The following ARVCF variants were observed in gnomAD, a reference collection of about 807,000 sequenced individuals.
ARVCF encodes ARVCF delta catenin family member.
A neutral mutation model predicts 90.9 loss-of-function variants in ARVCF; 66 were observed. That is an observed-to-expected ratio of 0.73 (90% CI 0.60 to 0.89). ARVCF has a LOEUF of 0.89. Ranked by LOEUF, ARVCF falls within the 40% of genes least tolerant of loss-of-function variation. ARVCF has a pLI of 0.00. For synonymous variants in ARVCF, 653 were observed against 603.4 expected (o/e 1.08, Z -1.21); for missense variants, 1,469 against 1,382.3 (o/e 1.06, Z -1.00).
rs1944699023 is a variant in ARVCF, at chr22:20,008,131, G to A, written c.-19+2324C>T. Among the ~76,000 whole-genome samples, 3 of 152,304 alleles carry A rather than the reference G, an allele frequency of 2.0e-5. 1 individual carries two copies. The South Asian group carries it at 6.2e-4, about 32-fold the overall frequency. ...TGCAGTAGGCAGAAAGAGGAGTGAA[G>A]AATTAATATCTTTAATATACAAAGA... On this transcript the variant is annotated intron_variant, in intron 2 of 19. Transcript: ENST00000263207.
intron 9 of ARVCF, 141 bp downstream of exon 9, chr22:19,977,274 T>C (rs937032598): frequency 5.0e-6 from 6 of 1,189,692 alleles, no homozygotes; most frequent in Non-Finnish European, 6.8e-6. Context: ...CCTCCTTGAC[T>C]CCTGGCTTCC....
intron 2 of ARVCF, among the ~76,000 whole-genome samples, chr22:19,992,895 G>A (rs1944082224): frequency 6.6e-6 from 1 of 152,172 alleles, no homozygotes; most frequent in Non-Finnish European, 1.5e-5. Flanking sequence ...CACCCTAAAG[G>A]GGGCCCACTG....
chr22:20,008,119 A>C lies in ARVCF; in HGVS notation c.-19+2336T>G, dbSNP rs533610100. Among the ~76,000 whole-genome samples the C allele has an allele frequency of 4.6e-5, 7 of 152,376 alleles. No homozygotes were observed. The East Asian group carries it at 1.3e-3, about 29-fold the overall frequency. ...GTGAGAAAAATGTGCAGTAGGCAGA[A>C]AGAGGAGTGAAGAATTAATATCTTT... is the stretch of plus-strand genomic sequence containing the variant. On this transcript the variant is annotated intron_variant, in intron 2 of 19. Coordinates refer to ENST00000263207, the MANE Select transcript of ARVCF (RefSeq NM_001670.3).
intron 2 of ARVCF, among the ~76,000 whole-genome samples, chr22:20,000,927 C>A (rs1270297515): frequency 6.6e-6 from 1 of 152,172 alleles, no homozygotes; most frequent in Non-Finnish European, 1.5e-5. Context: ...AGGACTCCAT[C>A]TAAGGTATTT....
At chr22:20,008,744 G>A (rs1305158010) in intron 2 of ARVCF, among the ~76,000 whole-genome samples, 1 of 152,218 alleles carries the variant, frequency 6.6e-6, no homozygotes. Flanking sequence ...CCAGAGCAGA[G>A]ATGGCACAAA....
At chr22:19,976,420 CAT>C (rs535639827) in intron 10 of ARVCF, among the ~76,000 whole-genome samples, 47 of 152,308 alleles carry the variant, frequency 3.1e-4, no homozygotes, top group Middle Eastern at 3.4e-3. Context: ...CTCCGAGCCA[CAT>C]GATGCCCCAT....
In ARVCF at chr22:19,981,315, G is replaced by A. The variant is rs1435000133; in HGVS notation, c.792C>T (p.Asp264=). The change falls in exon 5 of 20, where the codon GAC becomes GAT. Residue 264 remains aspartate (D), a synonymous_variant. Transcript: ENST00000263207. Reference sequence around the variant, plus strand: ...CGTCATCAGCGGCCAGGCTGCGCGTGTCATCCTCCAAGCCATACGGCTCTG... The same window carrying A: ...CGTCATCAGCGGCCAGGCTGCGCGTATCATCCTCCAAGCCATACGGCTCTG... ...FQAEPYGLED[D]TRSLAADDEG... 2 of 1,600,394 alleles carry A rather than the reference G, an allele frequency of 1.2e-6. No individual in the cohort carries two copies. Among genetic ancestry groups the A allele is most frequent in the Admixed American group, 1.7e-5 (1 of 58,414 alleles).
Position 19,971,345 on chromosome 22 carries a change from A to T in ARVCF, c.2782-10T>A. On this transcript the variant is annotated splice_polypyrimidine_tract_variant and intron_variant, in intron 18 of 19. Coordinates refer to ENST00000263207, the MANE Select transcript of ARVCF (RefSeq NM_001670.3). Reference sequence around the variant, plus strand: ...TCCTGCTGGGGTCGAGCTGCAGCGCACGGGTGGGCATTAGAGGCACAATAG... The same window carrying T: ...TCCTGCTGGGGTCGAGCTGCAGCGCTCGGGTGGGCATTAGAGGCACAATAG... 1 of 1,549,498 alleles carries T rather than the reference A, an allele frequency of 6.5e-7. No homozygotes were observed. Among genetic ancestry groups the T allele is most frequent in the East Asian group, 2.4e-5 (1 of 41,238 alleles).
At chr22:19,987,761 C>T (rs1451535971) in intron 3 of ARVCF, among the ~76,000 whole-genome samples, 1 of 152,052 alleles carries the variant, frequency 6.6e-6, no homozygotes, top group Non-Finnish European at 1.5e-5. Context: ...GAACTGTCCC[C>T]ACAGAGTTCG....
At chr22:19,994,093 G>C (rs531775502) in intron 2 of ARVCF, among the ~76,000 whole-genome samples, 1 of 152,314 alleles carries the variant, frequency 6.6e-6, no homozygotes, top group East Asian at 1.9e-4. Flanking sequence ...TGGACAGACA[G>C]ATGGATACAG....
At chr22:19,968,754 C>T (rs199743418), downstream of ARVCF, 66 of 1,601,010 alleles carry the variant, frequency 4.1e-5, no homozygotes, top group Admixed American at 9.4e-4. Flanking sequence ...CCCGGCCCCC[C>T]TCTCGGGCTC....
At chr22:19,971,509 G>T (rs957751160) in intron 18 of ARVCF, among the ~76,000 whole-genome samples, 174 bp from the exon 19 acceptor site, 4 of 152,198 alleles carry the variant, frequency 2.6e-5, no homozygotes, top group African/African-American at 7.2e-5. Context: ...ACGGGCCCAG[G>T]GCGGGCACGT....
downstream of ARVCF, chr22:19,966,936 G>A (rs1421323767): frequency 2.0e-6 from 2 of 985,174 alleles, no homozygotes; most frequent in East Asian, 2.3e-4. Context: ...GCTTCTCCAC[G>A]GCATTAGATT....
Position 19,983,901 on chromosome 22 carries a change from A to C in ARVCF, c.211-1810T>G, listed in dbSNP as rs571067419. 2.9e-3 allele frequency: 443 copies of C among 152,470 alleles called. 3 individuals carry two copies. The highest frequency in any genetic ancestry group is 3.4e-3 in the Non-Finnish European group (232 of 68,132). 9.4% of individuals were successfully genotyped at this position (152,470 alleles called of 1,614,324 possible). A position where few individuals can be genotyped will look rare whatever the true frequency, so the allele number is the denominator to read the frequency against. On this transcript the variant is annotated intron_variant, in intron 3 of 19. Transcript: ENST00000263207. Reference sequence around the variant, plus strand: ...CAGGGCAGGCTGGGCTCTTCTCCAAAGGCACTGGGGAGCTGGGACTGCTCT... The same window carrying C: ...CAGGGCAGGCTGGGCTCTTCTCCAACGGCACTGGGGAGCTGGGACTGCTCT...
intron 1 of ARVCF, among the ~76,000 whole-genome samples, 178 bp from the exon 2 acceptor site, chr22:20,010,686 C>A (rs918380368): frequency 6.6e-6 from 1 of 152,230 alleles, no homozygotes; most frequent in African/African-American, 2.4e-5. Flanking sequence ...CTTGCCCCCA[C>A]ATGTCCAGGA....
chr22:19,965,726 G>A (rs1438835252), downstream of ARVCF: 3 of 152,100 alleles, frequency 2.0e-5, no homozygotes, highest in Non-Finnish European at 4.4e-5. Context: ...AGAGGGCTGT[G>A]GGGAGGGCAT....
chr22:19,995,632 C>T (rs1212954706), intron 2 of ARVCF, among the ~76,000 whole-genome samples: 1 of 152,130 alleles, frequency 6.6e-6, no homozygotes, highest in African/African-American at 2.4e-5. Context: ...GAGCCTTGTC[C>T]GGAAAATGAA....
At position 19,973,781 on chromosome 22, in the gene ARVCF, T is replaced by A; in HGVS notation, c.2101A>T (p.Ile701Phe). 6.2e-7 allele frequency: 1 copy of A among 1,606,000 alleles called. No individual in the cohort carries two copies. Among genetic ancestry groups the A allele is most frequent in the Non-Finnish European group, 8.5e-7 (1 of 1,179,436 alleles). The change falls in exon 13 of 20, where the codon ATC (isoleucine) becomes TTC (phenylalanine). Residue 701 changes from isoleucine (I) to phenylalanine (F), a missense_variant. Coordinates refer to ENST00000263207, the MANE Select transcript of ARVCF (RefSeq NM_001670.3). Reference sequence around the variant, plus strand: ...CGCTCTTTGCGCACTGTGGCGCGGATGTACGTGGCCCACTGCGGAGGCGGG... The same window carrying A: ...CGCTCTTTGCGCACTGTGGCGCGGAAGTACGTGGCCCACTGCGGAGGCGGG... ...SAGNWMWATY[I>F]RATVRKERGL...
rs1569164038 is a variant in ARVCF, at chr22:19,981,246, CCTT to C, written c.858_860del (p.Arg289del). 6.4e-7 allele frequency: 1 copy of C among 1,558,066 alleles called. No homozygotes were observed. The highest frequency in any genetic ancestry group is 1.2e-5 in the South Asian group (1 of 84,578). ...GGCCCCGCCCACACTCAGGCCTCCT[CCTT>C]GTGGCCGTGCCATAGTCAGGCTCCA... On this transcript the variant is annotated inframe_deletion, in exon 5 of 20. Transcript: ENST00000263207.
Sources: gnomAD v4.1 joint callset for allele counts (sites outside exome capture counted in the v4.1 genomes callset) on GRCh38, gnomAD v4.1.1 for gene constraint, MANE v1.5 for transcripts, NCBI Gene and HGNC (gene_info 2026-07-23, HGNC 2026-07-21) for gene names.